The following PALD1 variants were observed in gnomAD, a reference collection of about 807,000 sequenced individuals.
The protein encoded by PALD1 is phosphatase domain containing paladin 1.
In PALD1, 57 loss-of-function variants were observed where a neutral mutation model predicts 96.0. That is an observed-to-expected ratio of 0.59 (90% CI 0.48 to 0.74). PALD1 has a LOEUF of 0.74. Ranked by LOEUF, PALD1 falls within the 30% of genes least tolerant of loss-of-function variation. PALD1 has a pLI of 0.00. For synonymous variants in PALD1, 464 were observed against 473.6 expected (o/e 0.98, Z 0.26); for missense variants, 1,063 against 1,143.7 (o/e 0.93, Z 1.02).
chr10:70,545,016 A>G (rs1847332861), intron 17 of PALD1, among the ~76,000 whole-genome samples: 1 of 152,220 alleles, frequency 6.6e-6, no homozygotes, highest in South Asian at 2.1e-4. Context: ...GTGTTCATTC[A>G]TTCACTGGGC....
chr10:70,494,547 C>T (rs1429504018), intron 1 of PALD1, among the ~76,000 whole-genome samples: 1 of 152,244 alleles, frequency 6.6e-6, no homozygotes, highest in Non-Finnish European at 1.5e-5. Flanking sequence ...TCCCTGACTC[C>T]AGAACAGTCA....
the PALD1 span, among the ~76,000 whole-genome samples, chr10:70,459,102 C>T: frequency 1.3e-5 from 2 of 151,908 alleles, no homozygotes; most frequent in Non-Finnish European, 2.9e-5. Context: ...CCCCACCCCA[C>T]TCCAAGCCCC....
At chr10:70,494,201 T>G (rs1846148665) in intron 1 of PALD1, among the ~76,000 whole-genome samples, 1 of 152,364 alleles carries the variant, frequency 6.6e-6, no homozygotes, top group South Asian at 2.1e-4. Flanking sequence ...TTTACTCTCA[T>G]GTGAGGCCTC....
At chr10:70,462,382 C>T in the PALD1 span, among the ~76,000 whole-genome samples, 5 of 152,216 alleles carry the variant, frequency 3.3e-5, no homozygotes, top group Admixed American at 6.5e-5. Context: ...GGGAATACTA[C>T]GTGCCTCATA....
intron 7 of PALD1, 131 bp from the exon 8 acceptor site, chr10:70,533,791 A>C (rs1847047546): frequency 1.3e-6 from 1 of 766,592 alleles, no homozygotes; most frequent in East Asian, 3.2e-5. Context: ...AGAGGCCAAG[A>C]CACCTATTGG....
At chr10:70,476,995 G>A (rs533712314), upstream of PALD1, among the ~76,000 whole-genome samples, 1 of 151,280 alleles carries the variant, frequency 6.6e-6, no homozygotes. Flanking sequence ...GTATATATTT[G>A]TATACATATA....
chr10:70,468,702 CTGTGTGTGTGTGTG>C, the PALD1 span, among the ~76,000 whole-genome samples: 1,554 of 123,874 alleles, frequency 0.013, 12 homozygotes, highest in Non-Finnish European at 0.02. Flanking sequence ...TGAGGCAGGA[CTGTGTGTGTGTGTG>C]TGTGTGTGTG....
chr10:70,543,555 T>A (rs12772929), intron 17 of PALD1, among the ~76,000 whole-genome samples: 3 of 152,208 alleles, frequency 2.0e-5, no homozygotes, highest in Non-Finnish European at 2.9e-5. Context: ...TAGTTTTTTT[T>A]ATATGGTGTG....
In PALD1 at chr10:70,539,356, G is replaced by T; in HGVS notation, c.1725+109G>T. ...CCCGCAGACAGATGGAGAATCTGAG[G>T]CCCCGGGAGGAGCAGTGTCAGGGAG... On this transcript the variant is annotated intron_variant, in intron 14 of 19. Transcript: ENST00000263563. This position sits in a 1 kb window ranked among gnomAD's most constrained non-coding sequence, Gnocchi z 4.5. The T allele has an allele frequency of 2.5e-6, 3 of 1,214,868 alleles. No individual in the cohort carries two copies. The highest frequency in any genetic ancestry group is 2.3e-6 in the Non-Finnish European group (2 of 886,160). 75.3% of individuals were successfully genotyped at this position (1,214,868 alleles called of 1,614,324 possible). A position where few individuals can be genotyped will look rare whatever the true frequency, so the allele number is the denominator to read the frequency against.
At chr10:70,566,487 G>A in intron 19 of PALD1, 94 bp from the exon 20 acceptor site, 2 of 943,482 alleles carry the variant, frequency 2.1e-6, no homozygotes, top group South Asian at 3.0e-5. Context: ...AGGTCACCAA[G>A]TTCACAGGCC....
intron 1 of PALD1, among the ~76,000 whole-genome samples, chr10:70,482,501 CTGTT>C (rs1324724486): frequency 6.6e-6 from 1 of 152,296 alleles, no homozygotes; most frequent in Admixed American, 6.5e-5. Context: ...GGAGGAGGCT[CTGTT>C]TGTCTTCCGA....
intron 1 of PALD1, among the ~76,000 whole-genome samples, chr10:70,480,652 GT>G (rs1564679400): frequency 6.6e-6 from 1 of 152,252 alleles, no homozygotes; most frequent in African/African-American, 2.4e-5. Context: ...AGGTGGCAGT[GT>G]GCTCATGCTC....
chr10:70,530,140 T>G, intron 4 of PALD1, 72 bp downstream of exon 4: 1 of 1,306,144 alleles, frequency 7.7e-7, no homozygotes, highest in Non-Finnish European at 1.0e-6. Flanking sequence ...GAGGGGCAGC[T>G]TTAGAGGCGC....
intron 1 of PALD1, among the ~76,000 whole-genome samples, chr10:70,510,547 CAGA>C (rs772930449): frequency 6.6e-6 from 1 of 152,328 alleles, no homozygotes; most frequent in South Asian, 2.1e-4. Context: ...CAGCCTTTTT[CAGA>C]AGAAGGCATT....
intron 8 of PALD1, 45 bp downstream of exon 8, chr10:70,534,118 G>C (rs1289565149): frequency 8.0e-6 from 12 of 1,506,364 alleles, no homozygotes; most frequent in Admixed American, 2.2e-5. Context: ...GTGGGGCCGA[G>C]GAGGGGACAG....
intron 1 of PALD1, among the ~76,000 whole-genome samples, chr10:70,506,040 C>T (rs1846382559): frequency 6.6e-6 from 1 of 151,966 alleles, no homozygotes; most frequent in Non-Finnish European, 1.5e-5. Flanking sequence ...AAATAGTATT[C>T]TTTGGACTAG....
At chr10:70,514,415 CAT>C (rs1268528365) in intron 1 of PALD1, among the ~76,000 whole-genome samples, 2 of 152,096 alleles carry the variant, frequency 1.3e-5, no homozygotes, top group African/African-American at 4.8e-5. Flanking sequence ...TTGAGAAACA[CAT>C]AATTTAGCAG....
intron 17 of PALD1, among the ~76,000 whole-genome samples, chr10:70,544,999 G>A (rs1034906553): frequency 1.3e-5 from 2 of 152,228 alleles, no homozygotes; most frequent in African/African-American, 2.4e-5. Context: ...AGAAGAGAGC[G>A]AGTTAGGTGT....
the PALD1 span, among the ~76,000 whole-genome samples, chr10:70,461,840 T>C: frequency 6.6e-6 from 1 of 152,224 alleles, no homozygotes; most frequent in African/African-American, 2.4e-5. Context: ...TCACCCAGGC[T>C]GGAGTGCAAT....
Sources: gnomAD v4.1 joint callset for allele counts (sites outside exome capture counted in the v4.1 genomes callset) on GRCh38, gnomAD v4.1.1 for gene constraint, Gnocchi (gnomAD v3.1) non-coding constraint, MANE v1.5 for transcripts, NCBI Gene and HGNC (gene_info 2026-07-23, HGNC 2026-07-21) for gene names.